The following PLA2G4C variants were observed in gnomAD, a reference collection of about 807,000 sequenced individuals.
PLA2G4C encodes cytosolic phospholipase A2 gamma.
A neutral mutation model predicts 73.8 loss-of-function variants in PLA2G4C; 64 were observed. The observed-to-expected ratio is 0.87, with a 90% CI of 0.71 to 1.07. PLA2G4C has a LOEUF of 1.07. Among genes scored for constraint, PLA2G4C ranks in the 50% least tolerant of loss-of-function variants. PLA2G4C has a pLI of 0.00. For synonymous variants in PLA2G4C, 254 were observed against 252.1 expected (o/e 1.01, Z -0.07); for missense variants, 622 against 665.4 (o/e 0.93, Z 0.72).
intron 11 of PLA2G4C, among the ~76,000 whole-genome samples, 193 bp downstream of exon 11, chr19:48,077,578 T>C (rs1045049526): frequency 1.3e-5 from 2 of 152,070 alleles, no homozygotes; most frequent in African/African-American, 4.8e-5. Flanking sequence ...TTTCACAGAG[T>C]GTCAGTTTGA....
At chr19:48,070,243 C>T (rs759941101) in intron 12 of PLA2G4C, among the ~76,000 whole-genome samples, 1 of 152,184 alleles carries the variant, frequency 6.6e-6, no homozygotes, top group Non-Finnish European at 1.5e-5. Flanking sequence ...GTTATTTAAT[C>T]AAACACTAGC....
Position 48,054,893 on chromosome 19 carries a change from T to C in PLA2G4C, c.1414A>G (p.Ile472Val). Residue 472 changes from isoleucine to valine, a missense_variant, in exon 15 of 17, where the codon ATA (isoleucine) becomes GTA (valine). Coordinates refer to ENST00000599921, the MANE Select transcript of PLA2G4C (RefSeq NM_003706.3). ...PVVMHFPLFN[I>V]DACGGDIEAW... ...CTGCACCTACCTCCACAGGCATCTA[T>C]GTTGAACAGGGGAAAATGCATCACC... 1.2e-6 allele frequency: 2 copies of C among 1,614,036 alleles called. No individual in the cohort carries two copies. The highest frequency in any genetic ancestry group is 1.7e-6 in the Non-Finnish European group (2 of 1,180,010).
chr19:48,068,333 G>C (rs1034178639), intron 12 of PLA2G4C, among the ~76,000 whole-genome samples: 1 of 150,484 alleles, frequency 6.6e-6, no homozygotes, highest in Non-Finnish European at 1.5e-5. Flanking sequence ...AAAGTGGGGG[G>C]GTCATTCAGG....
chr19:48,083,936 C>A (rs370022817), intron 10 of PLA2G4C, among the ~76,000 whole-genome samples: 5 of 152,138 alleles, frequency 3.3e-5, no homozygotes, highest in Admixed American at 6.6e-5. Flanking sequence ...GTCACGCATC[C>A]TTTCCATGAC....
In PLA2G4C at chr19:48,090,387, T is replaced by C; in HGVS notation, c.740A>G (p.Glu247Gly). The change falls in exon 8 of 17, where the codon GAA becomes GGA. Residue 247 changes from glutamate (E) to glycine (G), a missense_variant. Physicochemically the swap from Glu to Gly is moderately conservative, Grantham distance 98 (BLOSUM62 -2). Coordinates refer to ENST00000599921, the MANE Select transcript of PLA2G4C (RefSeq NM_003706.3). ...GLWGSALGNT[E>G]VIREYIFDQL... ...ACCAAAAATGTATTCCCTAATGACTTCAGTGTTACCAAGAGCACTTCCCCA... is the reference window on the plus strand; with the variant it reads ...ACCAAAAATGTATTCCCTAATGACTCCAGTGTTACCAAGAGCACTTCCCCA... 6.2e-7 allele frequency: 1 copy of C among 1,612,648 alleles called. No individual in the cohort carries two copies. The highest frequency in any genetic ancestry group is 8.5e-7 in the Non-Finnish European group (1 of 1,178,628).
chr19:48,080,102 A>G (rs553811313), intron 10 of PLA2G4C, among the ~76,000 whole-genome samples: 113 of 148,852 alleles, frequency 7.6e-4, no homozygotes, highest in Admixed American at 2.8e-3. Flanking sequence ...GATTATACAG[A>G]ACCTATAAGG....
intron 4 of PLA2G4C, chr19:48,103,529 G>A (rs1363285484): frequency 1.3e-5 from 2 of 152,198 alleles, no homozygotes; most frequent in African/African-American, 2.4e-5. Context: ...TCTCACACTC[G>A]AGCCTCTGCT....
intron 14 of PLA2G4C, among the ~76,000 whole-genome samples, chr19:48,060,426 T>C (rs1220443048): frequency 2.0e-5 from 3 of 152,142 alleles, no homozygotes; most frequent in South Asian, 4.1e-4. Flanking sequence ...TCGTCTTTGA[T>C]TGAAGTTTAA....
chr19:48,052,683 G>A (rs1021131170), intron 16 of PLA2G4C, among the ~76,000 whole-genome samples: 1 of 152,110 alleles, frequency 6.6e-6, no homozygotes, highest in Non-Finnish European at 1.5e-5. Flanking sequence ...AGGAACCAGC[G>A]CTGCTGATAC....
At chr19:48,078,525 G>C (rs965568675) in intron 10 of PLA2G4C, among the ~76,000 whole-genome samples, 1 of 152,104 alleles carries the variant, frequency 6.6e-6, no homozygotes, top group African/African-American at 2.4e-5. Context: ...AGAGTTTCAG[G>C]ATACAAAATC....
At chr19:48,051,528 C>T (rs980477264) in intron 16 of PLA2G4C, among the ~76,000 whole-genome samples, 1 of 150,904 alleles carries the variant, frequency 6.6e-6, no homozygotes, top group African/African-American at 2.4e-5. Flanking sequence ...GGAAGCAGGG[C>T]ACCTTCTTCA....
intron 5 of PLA2G4C, 33 bp downstream of exon 5, chr19:48,099,638 C>T: frequency 6.4e-7 from 1 of 1,561,890 alleles, no homozygotes; most frequent in Non-Finnish European, 8.8e-7. Flanking sequence ...TGCTCCTACC[C>T]CCACCCCAGG....
intron 7 of PLA2G4C, among the ~76,000 whole-genome samples, chr19:48,091,335 A>G (rs447148): frequency 0.093 from 14,125 of 151,974 alleles, 1,396 homozygotes; most frequent in African/African-American, 0.25. Context: ...ACAGGCATGC[A>G]CCACCACGCC....
chr19:48,097,308 T>A lies in PLA2G4C; in HGVS notation c.568+831A>T, dbSNP rs1383228225. On this transcript the variant is annotated intron_variant, in intron 6 of 16. Coordinates refer to ENST00000599921, the MANE Select transcript of PLA2G4C (RefSeq NM_003706.3). ...TGCTCTGTCGCCCAGGCTGGAGTGCTGTGGCGCGATCTCAGCTCACTGCAA... is the reference window on the plus strand; with the variant it reads ...TGCTCTGTCGCCCAGGCTGGAGTGCAGTGGCGCGATCTCAGCTCACTGCAA... Among the ~76,000 whole-genome samples, 124 of 138,912 alleles carry A rather than the reference T, an allele frequency of 8.9e-4. 3 individuals carry two copies. Among genetic ancestry groups the A allele is most frequent in the African/African-American group, 2.7e-3 (96 of 35,944 alleles). The allele number at this position is 138,912 out of a possible 152,430, so 91.1% of individuals were successfully genotyped here. A position where few individuals can be genotyped will look rare whatever the true frequency, so the allele number is the denominator to read the frequency against.
rs539114672 is a variant in PLA2G4C, at chr19:48,095,166, A to G, written c.709+298T>C. 2.6e-5 allele frequency among the ~76,000 whole-genome samples: 4 copies of G among 152,246 alleles called. No homozygotes were observed. In the South Asian group the frequency reaches 8.3e-4, roughly 32 times the overall value. On this transcript the variant is annotated intron_variant, in intron 7 of 16. Transcript: ENST00000599921. Reference sequence around the variant, plus strand: ...GCCTCCCAAAGCACCATGTAATCCCAAACACATTCTGAATCTGCTTATTGG... The same window carrying G: ...GCCTCCCAAAGCACCATGTAATCCCGAACACATTCTGAATCTGCTTATTGG...
intron 4 of PLA2G4C, among the ~76,000 whole-genome samples, chr19:48,100,913 CAAAAAGAAAAAA>C (rs1296839163): frequency 6.6e-5 from 7 of 105,948 alleles, no homozygotes; most frequent in South Asian, 2.5e-4. Flanking sequence ...GACTCTATCT[CAAAAAGAAAAAA>C]AAAAAGAAAA....
chr19:48,101,216 C>T (rs6509359), intron 4 of PLA2G4C, among the ~76,000 whole-genome samples: 1 of 149,298 alleles, frequency 6.7e-6, no homozygotes, highest in African/African-American at 2.5e-5. Flanking sequence ...TCTCAAACCC[C>T]CAGGCTCAAA....
At chr19:48,060,777 A>G (rs1487366889) in intron 14 of PLA2G4C, among the ~76,000 whole-genome samples, 2 of 152,152 alleles carry the variant, frequency 1.3e-5, no homozygotes, top group African/African-American at 4.8e-5. Context: ...GTCTAGAAAG[A>G]TGGTGACAAG....
chr19:48,097,251 C>CTTCTTTTTTTTTTTTTTTTTTTTTTTT (rs1340148092), intron 6 of PLA2G4C: 1 of 86,576 alleles, frequency 1.2e-5, no homozygotes, highest in African/African-American at 4.8e-5. Flanking sequence ...TTTCTTTTTT[C>CTTCTTTTTTTTTTTTTTTTTTTTTTTT]TTTTTTTTTT....
Sources: gnomAD v4.1 joint callset for allele counts (sites outside exome capture counted in the v4.1 genomes callset) on GRCh38, gnomAD v4.1.1 for gene constraint, MANE v1.5 for transcripts, NCBI Gene and HGNC (gene_info 2026-07-23, HGNC 2026-07-21) for gene names.